The following RIMBP2 variants were observed in gnomAD, a reference collection of about 807,000 sequenced individuals.
RIMBP2 encodes RIMS-binding protein 2.
Under a neutral mutation model 118.6 loss-of-function variants are expected in RIMBP2, and 48 were observed. That is an observed-to-expected ratio of 0.40 (90% CI 0.32 to 0.51). The LOEUF (loss-of-function observed/expected upper bound fraction) is 0.51. Among genes scored for constraint, RIMBP2 ranks in the 20% least tolerant of loss-of-function variants. The pLI is 0.41. For missense variants in RIMBP2, 1,551 were observed against 1,768.3 expected, an observed-to-expected ratio of 0.88 and a Z score of 2.20; for synonymous variants, 762 against 742.9, an observed-to-expected ratio of 1.03 and a Z score of -0.42.
At chr12:130,411,766 T>C (rs540088091) in intron 19 of RIMBP2, among the ~76,000 whole-genome samples, 1 of 152,320 alleles carries the variant, frequency 6.6e-6, no homozygotes, top group South Asian at 2.1e-4. Flanking sequence ...ATATTCACAC[T>C]AAACTTCGAC....
intron 2 of RIMBP2, among the ~76,000 whole-genome samples, chr12:130,602,170 T>C (rs984426502): frequency 6.6e-6 from 1 of 152,236 alleles, no homozygotes; most frequent in Non-Finnish European, 1.5e-5. Context: ...GAAATATTTA[T>C]ACAGTGCTAA....
Position 130,646,421 on chromosome 12 carries a change from A to AC in RIMBP2, c.-351-17966dup, listed in dbSNP as rs1566423505. On this transcript the variant is annotated intron_variant, in intron 1 of 22. Coordinates refer to ENST00000690449, the MANE Select transcript of RIMBP2 (RefSeq NM_001393629.1). ...CACCTGCCTCTCCACCTCCCTCACC[A>AC]CTTCCCTCTCCACCTCCCTTGCCAC... Among the ~76,000 whole-genome samples, 84 of 111,342 alleles carry AC rather than the reference A, an allele frequency of 7.5e-4. 12 individuals are homozygous for AC. Among genetic ancestry groups the AC allele is most frequent in the East Asian group, 3.1e-3 (13 of 4,218 alleles). 73.0% of individuals were successfully genotyped at this position (111,342 alleles called of 152,430 possible).
At chr12:130,459,154 TA>T (rs1378764243) in intron 6 of RIMBP2, among the ~76,000 whole-genome samples, 3 of 151,688 alleles carry the variant, frequency 2.0e-5, no homozygotes, top group African/African-American at 7.3e-5. Flanking sequence ...GGTTTTGGGT[TA>T]GGGGAGGGTG....
rs145001998 is a variant in RIMBP2 at position 130,480,913 on chromosome 12, T to C, written c.-3-1897A>G. Among the ~76,000 whole-genome samples the C allele has an allele frequency of 3.4e-3, 511 of 152,340 alleles. 3 individuals are homozygous for C. The highest frequency in any genetic ancestry group is 0.011 in the African/African-American group (477 of 41,588). On this transcript the variant is annotated intron_variant, in intron 4 of 22. Transcript: ENST00000690449. ...ACCGCGCCCGACCACCTTTTACTCATTTTTATTTAGTTTTGGAGTCTTAAA... is the reference window on the plus strand; with the variant it reads ...ACCGCGCCCGACCACCTTTTACTCACTTTTATTTAGTTTTGGAGTCTTAAA...
chr12:130,642,901 TGA>T (rs540984166), intron 1 of RIMBP2, among the ~76,000 whole-genome samples: 30 of 152,264 alleles, frequency 2.0e-4, no homozygotes, highest in Non-Finnish European at 4.0e-4. Flanking sequence ...TGCCGCTCAC[TGA>T]GAGAGGGGCT....
At position 130,431,181 on chromosome 12, in the gene RIMBP2, C is replaced by T. The variant is rs1389505064; in HGVS notation, c.2254-2844G>A. 1.3e-5 allele frequency among the ~76,000 whole-genome samples: 2 copies of T among 152,180 alleles called. No individual in the cohort carries two copies. Among genetic ancestry groups the T allele is most frequent in the African/African-American group, 2.4e-5 (1 of 41,432 alleles). On this transcript the variant is annotated intron_variant, in intron 14 of 22. Coordinates refer to ENST00000690449, the MANE Select transcript of RIMBP2 (RefSeq NM_001393629.1). This position sits in a 1 kb window ranked among gnomAD's most constrained non-coding sequence, Gnocchi z 4.0. ...TCCCTTCTTTCATTCATTCATTCGA[C>T]AAACATTCATTGAGCACCTACTATG...
rs2077556018 is a variant in RIMBP2, at chr12:130,436,843, C to T, written c.2105G>A (p.Arg702Lys). The T allele has an allele frequency of 4.9e-6, 7 of 1,442,158 alleles. No homozygotes were observed. The highest frequency in any genetic ancestry group is 4.6e-6 in the Non-Finnish European group (5 of 1,098,048). 89.3% of individuals were successfully genotyped at this position (1,442,158 alleles called of 1,614,324 possible). A position where few individuals can be genotyped will look rare whatever the true frequency, so the allele number is the denominator to read the frequency against. Residue 702 changes from arginine (R) to lysine (K), a missense_variant and splice_region_variant, in exon 13 of 23, where the codon AGG becomes AAG. Arg to Lys is a conservative substitution (Grantham distance 26, BLOSUM62 2). Transcript: ENST00000690449. ...EAAQRVAESS[R>K]LEKRSVFLER... Reference sequence around the variant, plus strand: ...CCGAGGCGGGAGCCCCAGCCTTACCCTGCTGCTCTCGGCCACCCTCTGCGC... The same window carrying T: ...CCGAGGCGGGAGCCCCAGCCTTACCTTGCTGCTCTCGGCCACCCTCTGCGC...
chr12:130,437,281 A>G lies in RIMBP2; in HGVS notation c.1667T>C (p.Val556Ala). 1 of 1,576,634 alleles carries G rather than the reference A, an allele frequency of 6.3e-7. No individual in the cohort carries two copies. The highest frequency in any genetic ancestry group is 2.3e-5 in the East Asian group (1 of 43,706). The change falls in exon 13 of 23, where the codon GTC becomes GCC. Residue 556 changes from valine (V) to alanine (A), a missense_variant. Physicochemically the swap from Val to Ala is moderately conservative, Grantham distance 64. Around this residue, in one of 5 missense-constraint regions of RIMBP2, gnomAD observed 1,038 missense variants for 1,125.1 expected, o/e 0.92. Coordinates refer to ENST00000690449, the MANE Select transcript of RIMBP2 (RefSeq NM_001393629.1). ...VYAKGQRVAE[V>A]IFPTADSTAV... Reference sequence around the variant, plus strand: ...CGTGCTGTCTGCCGTGGGGAAGATGACTTCAGCCACCTGTGGACAAGCAGA... The same window carrying G: ...CGTGCTGTCTGCCGTGGGGAAGATGGCTTCAGCCACCTGTGGACAAGCAGA...
chr12:130,556,058 A>G (rs1470631364), intron 2 of RIMBP2, among the ~76,000 whole-genome samples: 1 of 152,186 alleles, frequency 6.6e-6, no homozygotes, highest in African/African-American at 2.4e-5. Flanking sequence ...GGAAATGAAC[A>G]GGATGAGCAG....
At chr12:130,537,743 C>T (rs2054207057) in intron 2 of RIMBP2, among the ~76,000 whole-genome samples, 1 of 152,122 alleles carries the variant, frequency 6.6e-6, no homozygotes, top group Non-Finnish European at 1.5e-5. Context: ...ATTCATCAGC[C>T]CCAGAGAACA....
chr12:130,521,199 G>A (rs1257896447), intron 2 of RIMBP2, among the ~76,000 whole-genome samples: 1 of 152,202 alleles, frequency 6.6e-6, no homozygotes. Context: ...ACACAGGGAG[G>A]TGGACACTAC....
chr12:130,711,810 C>T (rs1949935189), intron 1 of RIMBP2, among the ~76,000 whole-genome samples: 1 of 152,202 alleles, frequency 6.6e-6, no homozygotes, highest in Non-Finnish European at 1.5e-5. Flanking sequence ...AGAAATGCCT[C>T]ATTAGGTGAT....
intron 1 of RIMBP2, among the ~76,000 whole-genome samples, chr12:130,645,674 GA>G (rs1192306832): frequency 1.3e-5 from 2 of 152,232 alleles, no homozygotes; most frequent in Non-Finnish European, 2.9e-5. Flanking sequence ...AGAGCAGAGA[GA>G]AGGATGAGAA....
At chr12:130,468,198 T>C (rs1306314516) in intron 6 of RIMBP2, among the ~76,000 whole-genome samples, 1 of 152,160 alleles carries the variant, frequency 6.6e-6, no homozygotes, top group African/African-American at 2.4e-5. Context: ...GTTCCCAAAG[T>C]GCTCACCCTG....
At position 130,459,052 on chromosome 12, in the gene RIMBP2, A is replaced by AAAAAAC. The variant is rs533171371; in HGVS notation, c.154-2353_154-2352insGTTTTT. Reference sequence around the variant, plus strand: ...AGAGTGACACTCTGTCTCAAAAAAAAAAAAAAACAAAAAAAAAGTGAATAG... The same window carrying AAAAAAC: ...AGAGTGACACTCTGTCTCAAAAAAAAAAAAACAAAAAAACAAAAAAAAAGTGAATAG... On this transcript the variant is annotated intron_variant, in intron 6 of 22. Transcript: ENST00000690449. Among the ~76,000 whole-genome samples, 7 of 15,494 alleles carry AAAAAAC rather than the reference A, an allele frequency of 4.5e-4. No individual in the cohort carries two copies. In the Non-Finnish European group the frequency reaches 6.4e-3, roughly 14 times the overall value. The allele number at this position is 15,494 out of a possible 152,430, so 10.2% of individuals were successfully genotyped here. A position where few individuals can be genotyped will look rare whatever the true frequency, so the allele number is the denominator to read the frequency against.
intron 11 of RIMBP2, among the ~76,000 whole-genome samples, chr12:130,441,387 C>G (rs1045538402): frequency 7.2e-6 from 1 of 139,428 alleles, no homozygotes; most frequent in African/African-American, 2.6e-5. Context: ...GGTGACAGAG[C>G]GAGACTCCAT....
chr12:130,465,887 C>G (rs548960181), intron 6 of RIMBP2: 1 of 152,490 alleles, frequency 6.6e-6, no homozygotes, highest in South Asian at 2.1e-4. Context: ...CTGCCCCCAC[C>G]CAGCACCTGC....
Position 130,442,666 on chromosome 12 carries a change from G to A in RIMBP2, c.692-6C>T. On this transcript the variant is annotated splice_region_variant and splice_polypyrimidine_tract_variant and intron_variant, in intron 10 of 22. Coordinates refer to ENST00000690449, the MANE Select transcript of RIMBP2 (RefSeq NM_001393629.1). The surrounding 1 kb of genome is among the most constrained non-coding windows in gnomAD (Gnocchi z 6.9). ...CTGGCCATCGAGGAGCTCTCCTGTTGGGTACAAGGACAGAGTTATCACCCA... is the reference window on the plus strand; with the variant it reads ...CTGGCCATCGAGGAGCTCTCCTGTTAGGTACAAGGACAGAGTTATCACCCA... 1 of 1,611,264 alleles carries A rather than the reference G, an allele frequency of 6.2e-7. No homozygotes were observed. The highest frequency in any genetic ancestry group is 8.5e-7 in the Non-Finnish European group (1 of 1,178,506).
intron 2 of RIMBP2, among the ~76,000 whole-genome samples, chr12:130,518,358 C>CA (rs2051705357): frequency 6.6e-6 from 1 of 152,146 alleles, no homozygotes; most frequent in Non-Finnish European, 1.5e-5. Flanking sequence ...AATGGCTAGA[C>CA]CACAATGTGG....
Sources: gnomAD v4.1 joint callset for allele counts (sites outside exome capture counted in the v4.1 genomes callset) on GRCh38, gnomAD v4.1.1 for gene constraint, gnomAD v4.1.1 regional missense constraint, Gnocchi (gnomAD v3.1) non-coding constraint, MANE v1.5 for transcripts, NCBI Gene and HGNC (gene_info 2026-07-23, HGNC 2026-07-21) for gene names.